The following CTSV variants were observed in gnomAD, a reference collection of about 807,000 sequenced individuals.
CTSV encodes cathepsin V.
A neutral mutation model predicts 35.6 loss-of-function variants in CTSV; 33 were observed. The observed-to-expected ratio is 0.93, with a 90% CI of 0.70 to 1.24. CTSV has a LOEUF of 1.24. Among genes scored for constraint, CTSV ranks in the 50% most tolerant of loss-of-function variants. The pLI, the probability that CTSV is intolerant of heterozygous loss-of-function variation, is 0.00. For synonymous variants in CTSV, 154 were observed against 147.1 expected (o/e 1.05, Z -0.34); for missense variants, 408 against 413.1 (o/e 0.99, Z 0.11).
Position 97,037,929 on chromosome 9 carries a change from ATCT to A in CTSV, c.112_114del (p.Arg38del). On this transcript the variant is annotated inframe_deletion, in exon 2 of 8. Transcript: ENST00000259470. ...CAGATGTTACCAACCGCGCCATATAATCTTCTGTGTGTTGCCTTCCACTGGTAC... is the reference window on the plus strand; with the variant it reads ...CAGATGTTACCAACCGCGCCATATAATCTGTGTGTTGCCTTCCACTGGTAC... The A allele has an allele frequency of 1.9e-6, 3 of 1,613,980 alleles. No individual in the cohort carries two copies. The highest frequency in any genetic ancestry group is 2.2e-5 in the East Asian group (1 of 44,862).
Position 97,035,636 on chromosome 9 carries a change from C to T in CTSV, c.679G>A (p.Val227Met). The T allele has an allele frequency of 6.2e-7, 1 of 1,601,454 alleles. No homozygotes were observed. The highest frequency in any genetic ancestry group is 1.1e-5 in the South Asian group (1 of 89,136). ...NSVANDTGFT[V>M]VAPGKEKALM... ...GCCTTCTCCTTTCCAGGTGCGACCACTGTGAAGCCAGTGTCATTAGCAACA... is the reference window on the plus strand; with the variant it reads ...GCCTTCTCCTTTCCAGGTGCGACCATTGTGAAGCCAGTGTCATTAGCAACA... The change falls in exon 6 of 8, where the codon GTG becomes ATG. Residue 227 changes from valine (V) to methionine (M), a missense_variant. Val to Met is a conservative substitution (Grantham distance 21). Coordinates refer to ENST00000259470, the MANE Select transcript of CTSV (RefSeq NM_001333.4).
chr9:97,037,772 T>A, intron 2 of CTSV, 146 bp downstream of exon 2: 2 of 1,360,372 alleles, frequency 1.5e-6, no homozygotes, highest in Admixed American at 1.9e-5. Context: ...AATGGAGATA[T>A]ATGCCCATAT....
intron 2 of CTSV, 82 bp downstream of exon 2, chr9:97,037,836 A>C: frequency 6.4e-7 from 1 of 1,560,988 alleles, no homozygotes. Context: ...TGGTGTCTAG[A>C]AGCTACTCTC....
Position 97,037,153 on chromosome 9 carries a change from C to G in CTSV, c.396+99G>C, listed in dbSNP as rs906935990. ...CACCAAAAACCAAAAATACAAAAAACCCATCACCATATGTTGTGCCACCAT... is the reference window on the plus strand; with the variant it reads ...CACCAAAAACCAAAAATACAAAAAAGCCATCACCATATGTTGTGCCACCAT... On this transcript the variant is annotated intron_variant, in intron 4 of 7. Transcript: ENST00000259470. 33 of 1,291,422 alleles carry G rather than the reference C, an allele frequency of 2.6e-5. No individual in the cohort carries two copies. In the African/African-American group the frequency reaches 4.8e-4, roughly 19 times the overall value. 80.0% of individuals were successfully genotyped at this position (1,291,422 alleles called of 1,614,324 possible). A position where few individuals can be genotyped will look rare whatever the true frequency, so the allele number is the denominator to read the frequency against.
At chr9:97,036,820 C>G in intron 4 of CTSV, 73 bp from the exon 5 acceptor site, 1 of 1,138,312 alleles carries the variant, frequency 8.8e-7, no homozygotes, top group East Asian at 2.7e-5. Context: ...ATTGAATTAC[C>G]TTAATATTCT....
Position 97,037,733 on chromosome 9 carries a change from T to C in CTSV, c.127-118A>G, listed in dbSNP as rs368934678. On this transcript the variant is annotated intron_variant, in intron 2 of 7. Transcript: ENST00000259470. ...ATGGCCAGGGATGGGTTGATACTTCTCTGGGAGCTGTTCTCCAAGCCAAGA... is the reference window on the plus strand; with the variant it reads ...ATGGCCAGGGATGGGTTGATACTTCCCTGGGAGCTGTTCTCCAAGCCAAGA... The C allele has an allele frequency of 1.9e-5, 28 of 1,462,168 alleles. No homozygotes were observed. In the East Asian group the frequency reaches 2.5e-4, roughly 13 times the overall value. 90.6% of individuals were successfully genotyped at this position (1,462,168 alleles called of 1,614,324 possible).
Position 97,030,590 on chromosome 9 carries a change from G to C in CTSV, c.*2359C>G, listed in dbSNP as rs1403074543. 2.6e-5 allele frequency: 4 copies of C among 152,164 alleles called. No individual in the cohort carries two copies. Among genetic ancestry groups the C allele is most frequent in the Non-Finnish European group, 4.4e-5 (3 of 68,026 alleles). The allele number at this position is 152,164 out of a possible 1,614,324, so 9.4% of individuals were successfully genotyped here. A position where few individuals can be genotyped will look rare whatever the true frequency, so the allele number is the denominator to read the frequency against. On this transcript the variant is annotated 3_prime_UTR_variant, in exon 8 of 8. Transcript: ENST00000259470. Reference sequence around the variant, plus strand: ...GAACAGAGATTTACCCATGTTTATTGACAGCAAGCCAGTGATAAACATTGT... The same window carrying C: ...GAACAGAGATTTACCCATGTTTATTCACAGCAAGCCAGTGATAAACATTGT...
rs1828829830 is a variant in CTSV at position 97,035,511 on chromosome 9, A to G, written c.787+17T>C. 2.0e-6 allele frequency: 3 copies of G among 1,464,952 alleles called. No individual in the cohort carries two copies. Among genetic ancestry groups the G allele is most frequent in the African/African-American group, 1.4e-5 (1 of 69,714 alleles). The allele number at this position is 1,464,952 out of a possible 1,614,324, so 90.7% of individuals were successfully genotyped here. ...TTCCCAATTCTGCCTAAATTTCTAT[A>G]ATAAAATGACACTTACCTGATTTGT... On this transcript the variant is annotated intron_variant, in intron 6 of 7. Coordinates refer to ENST00000259470, the MANE Select transcript of CTSV (RefSeq NM_001333.4).
Position 97,035,515 on chromosome 9 carries a change from A to C in CTSV, c.787+13T>G, listed in dbSNP as rs772538611. 4 of 1,472,422 alleles carry C rather than the reference A, an allele frequency of 2.7e-6. No homozygotes were observed. Among genetic ancestry groups the C allele is most frequent in the Non-Finnish European group, 3.6e-6 (4 of 1,102,542 alleles). 91.2% of individuals were successfully genotyped at this position (1,472,422 alleles called of 1,614,324 possible). ...CAATTCTGCCTAAATTTCTATAATA[A>C]AATGACACTTACCTGATTTGTAGAA... is the stretch of plus-strand genomic sequence containing the variant. On this transcript the variant is annotated intron_variant, in intron 6 of 7. Coordinates refer to ENST00000259470, the MANE Select transcript of CTSV (RefSeq NM_001333.4).
rs1029151553 is a variant in CTSV at position 97,038,000 on chromosome 9, G to T, written c.44C>A (p.Ala15Asp). Residue 15 changes from alanine (A) to aspartate (D), a missense_variant, in exon 2 of 8, where the codon GCC becomes GAC. Ala to Asp is a moderately radical substitution (Grantham distance 126, BLOSUM62 -2). Coordinates refer to ENST00000259470, the MANE Select transcript of CTSV (RefSeq NM_001333.4). ...TTGGTCAAATTTTGGAACAGCGGAG[G>T]CTATTCCCAAGCAAAAGGCAGCCAG... Reference protein sequence around the residue: ...LVLAAFCLGIASAVPKFDQNL... With the variant: ...LVLAAFCLGIDSAVPKFDQNL... 1.4e-5 allele frequency: 22 copies of T among 1,614,056 alleles called. No homozygotes were observed. The highest frequency in any genetic ancestry group is 1.8e-5 in the Non-Finnish European group (21 of 1,179,968).
chr9:97,036,844 A>AC, intron 4 of CTSV, 97 bp from the exon 5 acceptor site: 1 of 1,191,570 alleles, frequency 8.4e-7, no homozygotes, highest in Non-Finnish European at 1.1e-6. Context: ...AAAAAAAAAA[A>AC]AACCCATCGC....
chr9:97,036,719 C>T lies in CTSV; in HGVS notation c.425G>A (p.Ser142Asn). The T allele has an allele frequency of 6.2e-7, 1 of 1,610,064 alleles. No homozygotes were observed. Among genetic ancestry groups the T allele is most frequent in the Non-Finnish European group, 8.5e-7 (1 of 1,178,822 alleles). The change falls in exon 5 of 8, where the codon AGT (serine) becomes AAT (asparagine). Residue 142 changes from serine (S) to asparagine (N), a missense_variant. Coordinates refer to ENST00000259470, the MANE Select transcript of CTSV (RefSeq NM_001333.4). ...QKQCGSCWAF[S>N]ATGALEGQMF... ...CTGTCCTTCAAGAGCACCAGTCGCA[C>T]TAAAAGCCCAACAAGAACCACACTG... is the stretch of plus-strand genomic sequence containing the variant.
In CTSV at chr9:97,039,117, G is replaced by A. The variant is rs1005623140; in HGVS notation, c.-57C>T. 6.6e-6 allele frequency: 1 copy of A among 152,344 alleles called. No individual in the cohort carries two copies. The highest frequency in any genetic ancestry group is 1.5e-5 in the Non-Finnish European group (1 of 68,140). The allele number at this position is 152,344 out of a possible 1,614,324, so 9.4% of individuals were successfully genotyped here. ...AGGCACCCTCAGCAAACAAGCCTCTGAGATTACAGACGTCCGCGGTCTGGT... is the reference window on the plus strand; with the variant it reads ...AGGCACCCTCAGCAAACAAGCCTCTAAGATTACAGACGTCCGCGGTCTGGT... On this transcript the variant is annotated 5_prime_UTR_variant, in exon 1 of 8. Coordinates refer to ENST00000259470, the MANE Select transcript of CTSV (RefSeq NM_001333.4).
intron 2 of CTSV, 24 bp from the exon 3 acceptor site, chr9:97,037,639 G>A (rs750602052): frequency 1.3e-5 from 21 of 1,611,566 alleles, no homozygotes; most frequent in Non-Finnish European, 1.8e-5. Flanking sequence ...TATAGCTGGT[G>A]GACTTTATGT....
intron 2 of CTSV, 133 bp from the exon 3 acceptor site, chr9:97,037,748 C>T: frequency 1.4e-6 from 2 of 1,430,636 alleles, no homozygotes; most frequent in Non-Finnish European, 1.9e-6. Context: ...GAGCTGTTCT[C>T]CAAGCCAAGA....
chr9:97,037,643 T>C, intron 2 of CTSV, 28 bp from the exon 3 acceptor site: 3 of 1,610,730 alleles, frequency 1.9e-6, no homozygotes, highest in Non-Finnish European at 2.5e-6. Context: ...GCTGGTGGAC[T>C]TTATGTCTAC....
intron 7 of CTSV, among the ~76,000 whole-genome samples, chr9:97,033,404 A>C (rs1355665483): frequency 6.7e-6 from 1 of 148,858 alleles, no homozygotes. Context: ...AGGTTTCAGG[A>C]GTTTGAGACC....
intron 7 of CTSV, 35 bp downstream of exon 7, chr9:97,034,691 A>G (rs766894163): frequency 9.8e-6 from 15 of 1,526,086 alleles, no homozygotes; most frequent in Non-Finnish European, 1.3e-5. Context: ...ACTGATTTGG[A>G]ACAAAAATTC....
rs2119226899 is a variant in CTSV, at chr9:97,032,808, A to T, written c.*141T>A. The stretch of plus-strand genomic sequence containing the variant: ...AGTGGTAACATTTTACCCTTGTAAA[A>T]ATGTCACAGAATTAAAATCTCAACT... On this transcript the variant is annotated 3_prime_UTR_variant, in exon 8 of 8. Transcript: ENST00000259470. 1.8e-6 allele frequency: 1 copy of T among 541,910 alleles called. No individual in the cohort carries two copies. The highest frequency in any genetic ancestry group is 3.4e-5 in the South Asian group (1 of 29,702). 33.6% of individuals were successfully genotyped at this position (541,910 alleles called of 1,614,324 possible).
Sources: allele counts gnomAD v4.1 joint callset (sites outside exome capture counted in the v4.1 genomes callset), GRCh38; gene constraint gnomAD v4.1.1; transcripts MANE v1.5; gene names NCBI Gene and HGNC (gene_info 2026-07-23, HGNC 2026-07-21).